CDH13: variants seen among roughly 807,000 people sequenced by gnomAD.
CDH13 encodes cadherin-13.
In CDH13, 24 loss-of-function variants were observed where a neutral mutation model predicts 63.8. The observed-to-expected ratio is 0.38, with a 90% CI of 0.27 to 0.53. CDH13 has a LOEUF of 0.53. Among genes scored for constraint, CDH13 ranks in the 20% least tolerant of loss-of-function variants. CDH13 has a pLI of 0.85. For missense variants in CDH13, 1,049 were observed against 903.1 expected, an observed-to-expected ratio of 1.16 and a Z score of -2.07; for synonymous variants, 503 against 355.3, an observed-to-expected ratio of 1.42 and a Z score of -4.67.
At chr16:83,741,426 C>G (rs1243235413) in intron 10 of CDH13, among the ~76,000 whole-genome samples, 2 of 151,666 alleles carry the variant, frequency 1.3e-5, no homozygotes, top group Non-Finnish European at 2.9e-5. Flanking sequence ...CCTCTCCTTT[C>G]GTAGTTTTTA....
chr16:83,494,588 T>C (rs745635283), intron 7 of CDH13, among the ~76,000 whole-genome samples: 1 of 152,202 alleles, frequency 6.6e-6, no homozygotes, highest in Non-Finnish European at 1.5e-5. Flanking sequence ...TTTTGGGAAG[T>C]AACTGTTTTG....
intron 7 of CDH13, among the ~76,000 whole-genome samples, chr16:83,541,610 C>G (rs1189485022): frequency 6.6e-6 from 1 of 152,194 alleles, no homozygotes; most frequent in Admixed American, 6.5e-5. Flanking sequence ...CATCCACAAG[C>G]TGAACCAAGG....
At chr16:83,504,668 C>T (rs2074357161) in intron 7 of CDH13, among the ~76,000 whole-genome samples, 1 of 152,208 alleles carries the variant, frequency 6.6e-6, no homozygotes, top group African/African-American at 2.4e-5. Context: ...CGGGAGATAA[C>T]AGCCTCATCC....
intron 2 of CDH13, among the ~76,000 whole-genome samples, chr16:82,881,931 C>T (rs1007608384): frequency 3.9e-5 from 6 of 152,188 alleles, no homozygotes; most frequent in African/African-American, 1.2e-4. Flanking sequence ...GCTTACTCTG[C>T]TGTTTAACCT....
chr16:83,319,870 C>A (rs1233690143), intron 5 of CDH13, among the ~76,000 whole-genome samples: 1 of 152,160 alleles, frequency 6.6e-6, no homozygotes, highest in Non-Finnish European at 1.5e-5. Flanking sequence ...TTCAGTTCTT[C>A]ACCTGCTCGT....
In CDH13 at chr16:82,907,526, C is replaced by G. The variant is rs1210261065; in HGVS notation, c.157+49053C>G. 2.6e-5 allele frequency among the ~76,000 whole-genome samples: 4 copies of G among 152,174 alleles called. No homozygotes were observed. The East Asian group carries it at 7.7e-4, about 29-fold the overall frequency. ...TCATTTCTGCATTACCAACAATGGT[C>G]AGTTATATATTTTTCTTTGAGAAGA... is the stretch of plus-strand genomic sequence containing the variant. On this transcript the variant is annotated intron_variant, in intron 2 of 13. Transcript: ENST00000567109.
intron 3 of CDH13, among the ~76,000 whole-genome samples, chr16:83,101,605 C>G (rs1039968532): frequency 6.6e-6 from 1 of 152,082 alleles, no homozygotes; most frequent in Non-Finnish European, 1.5e-5. Flanking sequence ...ACCAGCCTGG[C>G]TAACATGGCC....
chr16:83,504,335 T>G (rs1042852803), intron 7 of CDH13, among the ~76,000 whole-genome samples: 1 of 152,186 alleles, frequency 6.6e-6, no homozygotes, highest in African/African-American at 2.4e-5. Flanking sequence ...TCACCCTTAC[T>G]TCTCTTCTGA....
At chr16:82,793,562 C>A (rs60742048) in intron 1 of CDH13, among the ~76,000 whole-genome samples, 1 of 152,098 alleles carries the variant, frequency 6.6e-6, no homozygotes, top group South Asian at 2.1e-4. Context: ...GTCAGTCTGC[C>A]GTGTGCTTGG....
At chr16:83,691,614 A>C (rs1025173360) in intron 10 of CDH13, among the ~76,000 whole-genome samples, 1 of 152,080 alleles carries the variant, frequency 6.6e-6, no homozygotes, top group African/African-American at 2.4e-5. Flanking sequence ...CAGGAGTTCA[A>C]GACCAGCACA....
At chr16:83,696,573 A>T (rs1905438778) in intron 10 of CDH13, among the ~76,000 whole-genome samples, 1 of 152,190 alleles carries the variant, frequency 6.6e-6, no homozygotes, top group South Asian at 2.1e-4. Flanking sequence ...TTACTGTTTG[A>T]TGCTTCACCC....
intron 4 of CDH13, among the ~76,000 whole-genome samples, chr16:83,127,258 C>T (rs1400258444): frequency 3.9e-5 from 6 of 152,272 alleles, no homozygotes; most frequent in Admixed American, 1.3e-4. Context: ...TTTCATCGTG[C>T]ATGCAGCAGG....
chr16:83,769,833 A>T (rs1914644363), intron 11 of CDH13, among the ~76,000 whole-genome samples: 1 of 151,974 alleles, frequency 6.6e-6, no homozygotes, highest in Non-Finnish European at 1.5e-5. Flanking sequence ...GGGAGGTGAG[A>T]GGTTATTTTG....
At chr16:83,481,228 G>T (rs550671284) in intron 6 of CDH13, among the ~76,000 whole-genome samples, 1 of 152,298 alleles carries the variant, frequency 6.6e-6, no homozygotes, top group South Asian at 2.1e-4. Context: ...GCTGAATATA[G>T]ATCTGAATGT....
intron 1 of CDH13, among the ~76,000 whole-genome samples, chr16:82,696,361 G>A (rs537488104): frequency 4.6e-5 from 7 of 152,286 alleles, no homozygotes; most frequent in Admixed American, 1.3e-4. Flanking sequence ...CACAGTCAAT[G>A]TAAGTTAATC....
intron 7 of CDH13, among the ~76,000 whole-genome samples, chr16:83,555,941 G>A (rs1409592715): frequency 1.3e-5 from 2 of 152,166 alleles, no homozygotes; most frequent in East Asian, 3.9e-4. Flanking sequence ...TTGGAATAAT[G>A]GGCTCATTAG....
chr16:83,085,996 C>A (rs2033569068), intron 3 of CDH13, among the ~76,000 whole-genome samples: 1 of 152,200 alleles, frequency 6.6e-6, no homozygotes, highest in Non-Finnish European at 1.5e-5. Context: ...GTATTTGTCT[C>A]AAATCAGCAC....
chr16:82,710,552 A>AAATATATATATATATATAT (rs60196638), intron 1 of CDH13, among the ~76,000 whole-genome samples: 16 of 63,744 alleles, frequency 2.5e-4, no homozygotes, highest in Non-Finnish European at 3.3e-4. Flanking sequence ...AAAAAAAAAA[A>AAATATATATATATATATAT]ATATATATAT....
chr16:82,917,954 C>G (rs1220032040), intron 2 of CDH13, among the ~76,000 whole-genome samples: 1 of 147,294 alleles, frequency 6.8e-6, no homozygotes, highest in Non-Finnish European at 1.5e-5. Flanking sequence ...TAAATGGATG[C>G]ACATGTGAGG....
Sources: allele counts gnomAD v4.1 joint callset (sites outside exome capture counted in the v4.1 genomes callset), GRCh38; gene constraint gnomAD v4.1.1; transcripts MANE v1.5; gene names NCBI Gene and HGNC (gene_info 2026-07-23, HGNC 2026-07-21).